ASIC2: variants seen among roughly 807,000 people sequenced by gnomAD.
The protein encoded by ASIC2 is acid sensing ion channel subunit 2.
Under a neutral mutation model 57.3 loss-of-function variants are expected in ASIC2, and 25 were observed. The observed-to-expected ratio is 0.44, with a 90% confidence interval of 0.32 to 0.61. The LOEUF (loss-of-function observed/expected upper bound fraction) is 0.61. Ranked by LOEUF, ASIC2 falls within the 20% of genes least tolerant of loss-of-function variation. The pLI, the probability that ASIC2 is intolerant of heterozygous loss-of-function variation, is 0.06. For synonymous variants in ASIC2, 319 were observed against 307.5 expected (o/e 1.04, Z -0.39); for missense variants, 641 against 738.1 (o/e 0.87, Z 1.52).
intron 1 of ASIC2, among the ~76,000 whole-genome samples, chr17:33,500,309 T>A (rs1914063287): frequency 6.6e-6 from 1 of 152,034 alleles, no homozygotes; most frequent in Non-Finnish European, 1.5e-5. Flanking sequence ...CAGGCCAAAG[T>A]AGCAACTGCC....
chr17:33,478,316 C>T (rs549540179), intron 1 of ASIC2, among the ~76,000 whole-genome samples: 1 of 152,344 alleles, frequency 6.6e-6, no homozygotes, highest in East Asian at 1.9e-4. Flanking sequence ...GCTTAAGGGG[C>T]ATCTGGGGAA....
intron 1 of ASIC2, among the ~76,000 whole-genome samples, chr17:33,181,690 C>G (rs1270468382): frequency 2.6e-5 from 4 of 152,206 alleles, no homozygotes; most frequent in Non-Finnish European, 5.9e-5. Flanking sequence ...AGGATGATCT[C>G]ATGCTGAGAT....
intron 1 of ASIC2, among the ~76,000 whole-genome samples, chr17:33,921,927 C>A (rs1383026666): frequency 1.3e-5 from 2 of 152,144 alleles, no homozygotes; most frequent in Non-Finnish European, 2.9e-5. Context: ...CTCCAACCAA[C>A]CAAGAGCAAT....
chr17:33,081,472 T>A (rs2092112752), intron 3 of ASIC2, among the ~76,000 whole-genome samples: 1 of 152,122 alleles, frequency 6.6e-6, no homozygotes, highest in African/African-American at 2.4e-5. Context: ...TTTGATGGGG[T>A]GGAAATAGAT....
chr17:33,755,794 G>C (rs1166470933), intron 1 of ASIC2, among the ~76,000 whole-genome samples: 1 of 152,154 alleles, frequency 6.6e-6, no homozygotes, highest in Non-Finnish European at 1.5e-5. Flanking sequence ...CAAAGGAAGA[G>C]GTGACCCACT....
chr17:33,741,100 C>T (rs895176786), intron 1 of ASIC2, among the ~76,000 whole-genome samples: 2 of 152,194 alleles, frequency 1.3e-5, no homozygotes, highest in African/African-American at 4.8e-5. Flanking sequence ...GTCGAAGGGG[C>T]TTCTAGGCAG....
At chr17:33,811,467 C>A (rs1201772753) in intron 1 of ASIC2, among the ~76,000 whole-genome samples, 1 of 152,192 alleles carries the variant, frequency 6.6e-6, no homozygotes, top group Non-Finnish European at 1.5e-5. Flanking sequence ...GGCATTGTTT[C>A]ATTTAATCTC....
chr17:33,202,853 A>C (rs1252091456), intron 1 of ASIC2, among the ~76,000 whole-genome samples: 1 of 152,012 alleles, frequency 6.6e-6, no homozygotes, highest in African/African-American at 2.4e-5. Flanking sequence ...GGGGATGGTC[A>C]TGTCCTTCAG....
chr17:34,118,953 A>G (rs962350740), intron 1 of ASIC2: 2 of 152,218 alleles, frequency 1.3e-5, no homozygotes, highest in African/African-American at 4.8e-5. Context: ...CTTTCATTGT[A>G]TTACATAGAC....
chr17:33,333,368 G>C (rs887672449), intron 1 of ASIC2, among the ~76,000 whole-genome samples: 2 of 152,166 alleles, frequency 1.3e-5, no homozygotes, highest in African/African-American at 4.8e-5. Flanking sequence ...GTGTTCATAT[G>C]ATGATTCCAA....
chr17:33,187,926 AG>A (rs1906265699), intron 1 of ASIC2, among the ~76,000 whole-genome samples: 1 of 151,448 alleles, frequency 6.6e-6, no homozygotes, highest in African/African-American at 2.4e-5. Context: ...AAAGAAAAAA[AG>A]AAAAAAGAAA....
chr17:33,780,780 C>T (rs1302340182), intron 1 of ASIC2, among the ~76,000 whole-genome samples: 5 of 152,154 alleles, frequency 3.3e-5, no homozygotes, highest in Admixed American at 2.0e-4. Flanking sequence ...CGGGAGGGCC[C>T]TTCAGGGAGC....
intron 1 of ASIC2, among the ~76,000 whole-genome samples, chr17:33,418,028 A>ATGTG (rs1161141315): frequency 0.018 from 1,194 of 67,562 alleles, 14 homozygotes; most frequent in South Asian, 0.049. Context: ...GCATGTATGT[A>ATGTG]TGTGTGTGTG....
chr17:33,586,564 C>T (rs1904640443), intron 1 of ASIC2, among the ~76,000 whole-genome samples: 1 of 152,312 alleles, frequency 6.6e-6, no homozygotes, highest in South Asian at 2.1e-4. Flanking sequence ...ATTCTTGTCT[C>T]CCTTGTCATT....
chr17:34,012,964 C>G (rs557026335), intron 1 of ASIC2, among the ~76,000 whole-genome samples: 16 of 152,288 alleles, frequency 1.1e-4, no homozygotes, highest in Admixed American at 4.6e-4. Flanking sequence ...CACTTCCCCA[C>G]CTGGCTCTGG....
intron 1 of ASIC2, among the ~76,000 whole-genome samples, chr17:33,685,006 G>T (rs55851907): frequency 0.12 from 18,582 of 152,146 alleles, 1,256 homozygotes; most frequent in African/African-American, 0.16. Context: ...CCTCTGGATT[G>T]TCTTCCCCCT....
chr17:33,069,552 C>G (rs1162087336), intron 3 of ASIC2, among the ~76,000 whole-genome samples: 1 of 151,988 alleles, frequency 6.6e-6, no homozygotes, highest in Non-Finnish European at 1.5e-5. Context: ...TTTGCTCTGT[C>G]CTCTTGGTGA....
At chr17:33,912,137 CAAAAAA>C (rs34408257) in intron 1 of ASIC2, among the ~76,000 whole-genome samples, 4 of 49,434 alleles carry the variant, frequency 8.1e-5, no homozygotes, top group Admixed American at 2.8e-4. Flanking sequence ...GAGACTCCGT[CAAAAAA>C]AAAAAAAAAA....
intron 1 of ASIC2, among the ~76,000 whole-genome samples, chr17:33,269,685 T>TCCTG (rs1192370453): frequency 1.0e-4 from 7 of 68,482 alleles, no homozygotes; most frequent in South Asian, 6.4e-4. Context: ...CCTCCCTCCC[T>TCCTG]CCTGCCTGCC....
Sources: gnomAD v4.1 joint callset for allele counts (sites outside exome capture counted in the v4.1 genomes callset) on GRCh38, gnomAD v4.1.1 for gene constraint, MANE v1.5 for transcripts, NCBI Gene and HGNC (gene_info 2026-07-23, HGNC 2026-07-21) for gene names.